The following CTAGE1 variants were observed in gnomAD, a reference collection of about 807,000 sequenced individuals.
CTAGE1 encodes the protein cTAGE family member 2.
For synonymous variants in CTAGE1, 332 were observed against 302.8 expected (o/e 1.10, Z -1.00); for missense variants, 963 against 855.9 (o/e 1.13, Z -1.56).
Position 22,413,619 on chromosome 18 carries a change from C to T in CTAGE1, c.*1955G>A, listed in dbSNP as rs146472718. The T allele has an allele frequency of 2.2e-4, 33 of 152,304 alleles. No individual in the cohort carries two copies. The highest frequency in any genetic ancestry group is 7.7e-4 in the African/African-American group (32 of 41,574). 9.4% of individuals were successfully genotyped at this position (152,304 alleles called of 1,614,324 possible). On this transcript the variant is annotated 3_prime_UTR_variant, in exon 1 of 1. Transcript: ENST00000391403. ...CAACATGGATTTTTATACTTATTCA[C>T]TCTTTATTATTTCAACTTTCTTTTT...
In CTAGE1 at chr18:22,414,822, A is replaced by G. The variant is rs763511326; in HGVS notation, c.*752T>C. Reference sequence around the variant, plus strand: ...ATAAAAATAAAACAAAAGAAATAACAACACAATTATGTAATGATATGATGA... The same window carrying G: ...ATAAAAATAAAACAAAAGAAATAACGACACAATTATGTAATGATATGATGA... On this transcript the variant is annotated 3_prime_UTR_variant, in exon 1 of 1. Coordinates refer to ENST00000391403, the MANE Select transcript of CTAGE1 (RefSeq NM_172241.3). The G allele has an allele frequency of 1.4e-6, 1 of 702,264 alleles. No homozygotes were observed. 43.5% of individuals were successfully genotyped at this position (702,264 alleles called of 1,614,324 possible). A position where few individuals can be genotyped will look rare whatever the true frequency, so the allele number is the denominator to read the frequency against.
At position 22,415,710 on chromosome 18, in the gene CTAGE1, G is replaced by C. The variant is rs548796905; in HGVS notation, c.2102C>G (p.Pro701Arg). 7.1e-5 allele frequency: 114 copies of C among 1,613,970 alleles called. 1 individual carries two copies. Among genetic ancestry groups the C allele is most frequent in the South Asian group, 2.9e-4 (26 of 91,062 alleles). The change falls in exon 1 of 1, where the codon CCA becomes CGA. Residue 701 changes from proline (P) to arginine (R), a missense_variant. Coordinates refer to ENST00000391403, the MANE Select transcript of CTAGE1 (RefSeq NM_172241.3). ...GACATCCCTTGGAGAAAAATAATCT[G>C]GAGAAGCTCCAAACACGGTTCCTGG... ...PPPGTVFGASPDYFSPRDVPG... is the reference protein window; with the variant it reads ...PPPGTVFGASRDYFSPRDVPG...
rs775789770 is a variant in CTAGE1 at position 22,416,403 on chromosome 18, T to A, written c.1409A>T (p.Asp470Val). ...ATTTGGAACATCAAGTCCATAAGGA[T>A]CTTTTTCTAAAAGTTTTATTTTAAA... ...IEFKIKLLEK[D>V]PYGLDVPNTA... Residue 470 changes from aspartate (D) to valine (V), a missense_variant, in exon 1 of 1, where the codon GAT (aspartate) becomes GTT (valine). Asp to Val is a radical substitution (Grantham distance 152, BLOSUM62 -3). Transcript: ENST00000391403. 2 of 1,613,728 alleles carry A rather than the reference T, an allele frequency of 1.2e-6. No homozygotes were observed. The highest frequency in any genetic ancestry group is 2.2e-5 in the East Asian group (1 of 44,882).
rs1044508771 is a variant in CTAGE1 at position 22,414,706 on chromosome 18, A to G, written c.*868T>C. The G allele has an allele frequency of 2.8e-6, 2 of 702,942 alleles. No homozygotes were observed. The highest frequency in any genetic ancestry group is 5.2e-6 in the Non-Finnish European group (2 of 385,014). 43.5% of individuals were successfully genotyped at this position (702,942 alleles called of 1,614,324 possible). A position where few individuals can be genotyped will look rare whatever the true frequency, so the allele number is the denominator to read the frequency against. On this transcript the variant is annotated 3_prime_UTR_variant, in exon 1 of 1. Coordinates refer to ENST00000391403, the MANE Select transcript of CTAGE1 (RefSeq NM_172241.3). ...TAAAACTAAAACTATTAGAACACCA[A>G]CAGAGGTAAAGGTTGGGAAAGAAGT...
chr18:22,416,052 G>A lies in CTAGE1; in HGVS notation c.1760C>T (p.Ala587Val). The A allele has an allele frequency of 1.2e-6, 2 of 1,613,956 alleles. No individual in the cohort carries two copies. Among genetic ancestry groups the A allele is most frequent in the Non-Finnish European group, 1.7e-6 (2 of 1,179,854 alleles). ...PPPGQSYPDS[A>V]LPPQRQDRFY... ...TCTGTCTTGCCTTTGTGGAGGGAGA[G>A]CTGAATCAGGATATGATTGTCCTGG... Residue 587 changes from alanine (A) to valine (V), a missense_variant, in exon 1 of 1, where the codon GCT becomes GTT. By Grantham distance (64) the Ala-to-Val change is moderately conservative (BLOSUM62 0). Coordinates refer to ENST00000391403, the MANE Select transcript of CTAGE1 (RefSeq NM_172241.3).
chr18:22,414,691 A>T lies in CTAGE1; in HGVS notation c.*883T>A, dbSNP rs778059356. ...GAGAAAAGCAGAACATAAAACTAAA[A>T]CTATTAGAACACCAACAGAGGTAAA... On this transcript the variant is annotated 3_prime_UTR_variant, in exon 1 of 1. Coordinates refer to ENST00000391403, the MANE Select transcript of CTAGE1 (RefSeq NM_172241.3). 3 of 703,018 alleles carry T rather than the reference A, an allele frequency of 4.3e-6. No individual in the cohort carries two copies. The highest frequency in any genetic ancestry group is 2.3e-4 in the Middle Eastern group (1 of 4,372). 43.5% of individuals were successfully genotyped at this position (703,018 alleles called of 1,614,324 possible). A position where few individuals can be genotyped will look rare whatever the true frequency, so the allele number is the denominator to read the frequency against.
At position 22,417,445 on chromosome 18, in the gene CTAGE1, T is replaced by G. The variant is rs764302951; in HGVS notation, c.367A>C (p.Lys123Gln). 1.2e-6 allele frequency: 2 copies of G among 1,614,028 alleles called. No individual in the cohort carries two copies. Among genetic ancestry groups the G allele is most frequent in the Non-Finnish European group, 1.7e-6 (2 of 1,179,874 alleles). Residue 123 changes from lysine to glutamine, a missense_variant, in exon 1 of 1, where the codon AAA (lysine) becomes CAA (glutamine). Physicochemically the swap from Lys to Gln is moderately conservative, Grantham distance 53 (BLOSUM62 1). Coordinates refer to ENST00000391403, the MANE Select transcript of CTAGE1 (RefSeq NM_172241.3). ...TCAGAATGTTTAGATTTCTCTTCTT[T>G]TAACTCTTTTTCTAGACAGAGTATT... is the stretch of plus-strand genomic sequence containing the variant. ...HEILCLEKEL[K>Q]EEKSKHSEQN...
At position 22,417,171 on chromosome 18, in the gene CTAGE1, C is replaced by A; in HGVS notation, c.641G>T (p.Arg214Ile). Residue 214 changes from arginine to isoleucine, a missense_variant, in exon 1 of 1, where the codon AGA becomes ATA. Physicochemically the swap from Arg to Ile is moderately conservative, Grantham distance 97 (BLOSUM62 -3). Transcript: ENST00000391403. ...EQVSELIKQK[R>I]TFEDSKVHAE... is the part of the protein sequence containing the mutation. ...ATGTACTTTGGAGTCTTCAAATGTT[C>A]TTTTCTGTTTAATAAGTTCACTCAC... The A allele has an allele frequency of 6.2e-7, 1 of 1,613,882 alleles. No homozygotes were observed. Among genetic ancestry groups the A allele is most frequent in the Non-Finnish European group, 8.5e-7 (1 of 1,179,844 alleles).
rs374860900 is a variant in CTAGE1, at chr18:22,415,833, A to G, written c.1979T>C (p.Phe660Ser). The G allele has an allele frequency of 2.5e-5, 40 of 1,613,836 alleles. No individual in the cohort carries two copies. The highest frequency in any genetic ancestry group is 2.2e-4 in the South Asian group (20 of 91,078). ...GATTGGAGCAAGAGGTGGAGGAACA[A>G]AGCCAGGGCCAGTTGCTTCATTTTC... ...PAENEATGPG[F>S]VPPPLAPIRG... is the part of the protein sequence containing the mutation. Residue 660 changes from phenylalanine to serine, a missense_variant, in exon 1 of 1, where the codon TTT (phenylalanine) becomes TCT (serine). Physicochemically the swap from Phe to Ser is radical, Grantham distance 155 (BLOSUM62 -2). Transcript: ENST00000391403.
In CTAGE1 at chr18:22,417,792, G is replaced by A. The variant is rs369370325; in HGVS notation, c.20C>T (p.Pro7Leu). The change falls in exon 1 of 1, where the codon CCT becomes CTT. Residue 7 changes from proline (P) to leucine (L), a missense_variant. By Grantham distance (98) the Pro-to-Leu change is moderately conservative. Transcript: ENST00000391403. Reference sequence around the variant, plus strand: ...CACCAATTCCCATGGAAAACCATAAGGATGAGAATCGGGTCTCATACCTTC... The same window carrying A: ...CACCAATTCCCATGGAAAACCATAAAGATGAGAATCGGGTCTCATACCTTC... The part of the protein sequence containing the change: MRPDSH[P>L]YGFPWELVIR... 42 of 1,614,078 alleles carry A rather than the reference G, an allele frequency of 2.6e-5. No homozygotes were observed. The highest frequency in any genetic ancestry group is 3.5e-5 in the Non-Finnish European group (41 of 1,180,038).
Position 22,414,502 on chromosome 18 carries a change from A to G in CTAGE1, c.*1072T>C, listed in dbSNP as rs1275422807. 7 of 582,950 alleles carry G rather than the reference A, an allele frequency of 1.2e-5. No individual in the cohort carries two copies. The highest frequency in any genetic ancestry group is 9.5e-5 in the Admixed American group (3 of 31,646). 36.1% of individuals were successfully genotyped at this position (582,950 alleles called of 1,614,324 possible). ...AAAAGAAGCAATGGCTTGGTGGCCC[A>G]GCTTGCATGAAGGACTAATCCAAAA... On this transcript the variant is annotated 3_prime_UTR_variant, in exon 1 of 1. Transcript: ENST00000391403.
rs2034983602 is a variant in CTAGE1 at position 22,414,333 on chromosome 18, C to T, written c.*1241G>A. ...AAGACGGAAAATGTATAGGAAGCCC[C>T]AGTGTACAATAAGGGCACCTCATGT... On this transcript the variant is annotated 3_prime_UTR_variant, in exon 1 of 1. Transcript: ENST00000391403. 4.1e-6 allele frequency: 1 copy of T among 243,680 alleles called. No individual in the cohort carries two copies. The highest frequency in any genetic ancestry group is 5.2e-5 in the Admixed American group (1 of 19,238). 15.1% of individuals were successfully genotyped at this position (243,680 alleles called of 1,614,324 possible).
In CTAGE1 at chr18:22,413,978, T is replaced by C. The variant is rs966434221; in HGVS notation, c.*1596A>G. The C allele has an allele frequency of 6.6e-6, 1 of 152,212 alleles. No individual in the cohort carries two copies. The highest frequency in any genetic ancestry group is 1.5e-5 in the Non-Finnish European group (1 of 68,038). The allele number at this position is 152,212 out of a possible 1,614,324, so 9.4% of individuals were successfully genotyped here. A position where few individuals can be genotyped will look rare whatever the true frequency, so the allele number is the denominator to read the frequency against. ...TAAAATTCCTCTAGAAAGAGTTCTG[T>C]GGATATGATACATAGACAGAAATCC... On this transcript the variant is annotated 3_prime_UTR_variant, in exon 1 of 1. Coordinates refer to ENST00000391403, the MANE Select transcript of CTAGE1 (RefSeq NM_172241.3).
Position 22,417,876 on chromosome 18 carries a change from G to A in CTAGE1, c.-65C>T. ...CAGGACCAGCCCCAGGTATGGCTGA[G>A]GGTTAGCCCTAGGCTCCTCCGTAGC... On this transcript the variant is annotated 5_prime_UTR_variant, in exon 1 of 1. Coordinates refer to ENST00000391403, the MANE Select transcript of CTAGE1 (RefSeq NM_172241.3). 1 of 1,531,462 alleles carries A rather than the reference G, an allele frequency of 6.5e-7. No individual in the cohort carries two copies. The allele number at this position is 1,531,462 out of a possible 1,614,324, so 94.9% of individuals were successfully genotyped here.
Position 22,417,868 on chromosome 18 carries a change from A to T in CTAGE1, c.-57T>A. Reference sequence around the variant, plus strand: ...AGCAACTCCAGGACCAGCCCCAGGTATGGCTGAGGGTTAGCCCTAGGCTCC... The same window carrying T: ...AGCAACTCCAGGACCAGCCCCAGGTTTGGCTGAGGGTTAGCCCTAGGCTCC... On this transcript the variant is annotated 5_prime_UTR_variant, in exon 1 of 1. Transcript: ENST00000391403. 6.4e-7 allele frequency: 1 copy of T among 1,570,016 alleles called. No homozygotes were observed.
In CTAGE1 at chr18:22,416,032, C is replaced by A; in HGVS notation, c.1780G>T (p.Asp594Tyr). 6.2e-7 allele frequency: 1 copy of A among 1,613,936 alleles called. No homozygotes were observed. Among genetic ancestry groups the A allele is most frequent in the Non-Finnish European group, 8.5e-7 (1 of 1,179,870 alleles). ...PDSALPPQRQDRFYSNCARLS... is the reference protein window; with the variant it reads ...PDSALPPQRQYRFYSNCARLS... ...CTAGCACAATTAGAATAAAATCTGTCTTGCCTTTGTGGAGGGAGAGCTGAA... is the reference window on the plus strand; with the variant it reads ...CTAGCACAATTAGAATAAAATCTGTATTGCCTTTGTGGAGGGAGAGCTGAA... The change falls in exon 1 of 1, where the codon GAC (aspartate) becomes TAC (tyrosine). Residue 594 changes from aspartate to tyrosine, a missense_variant. Coordinates refer to ENST00000391403, the MANE Select transcript of CTAGE1 (RefSeq NM_172241.3).
chr18:22,413,810 A>G lies in CTAGE1; in HGVS notation c.*1764T>C, dbSNP rs1302276439. 6.6e-6 allele frequency: 1 copy of G among 152,238 alleles called. No homozygotes were observed. The highest frequency in any genetic ancestry group is 2.4e-5 in the African/African-American group (1 of 41,462). 9.4% of individuals were successfully genotyped at this position (152,238 alleles called of 1,614,324 possible). The stretch of plus-strand genomic sequence containing the variant: ...GTGGCAAAGTAGACACAAAGAGATG[A>G]CAATACCTGTTTCATACTGAACCTA... On this transcript the variant is annotated 3_prime_UTR_variant, in exon 1 of 1. Coordinates refer to ENST00000391403, the MANE Select transcript of CTAGE1 (RefSeq NM_172241.3).
Position 22,417,323 on chromosome 18 carries a change from G to C in CTAGE1, c.489C>G (p.Thr163=). The change falls in exon 1 of 1, where the codon ACC becomes ACG. Residue 163 remains threonine, a synonymous_variant. Transcript: ENST00000391403. The part of the protein sequence containing the change: ...LKSQVAEAKM[T]FKRFQANEER... ...CTTCATTCGCTTGAAATCTCTTGAA[G>C]GTCATTTTGGCTTCAGCTACTTGTG... 1 of 1,613,898 alleles carries C rather than the reference G, an allele frequency of 6.2e-7. No individual in the cohort carries two copies. The highest frequency in any genetic ancestry group is 2.2e-5 in the East Asian group (1 of 44,868).
rs779388300 is a variant in CTAGE1 at position 22,415,938 on chromosome 18, G to T, written c.1874C>A (p.Pro625His). Residue 625 changes from proline (P) to histidine (H), a missense_variant, in exon 1 of 1, where the codon CCT (proline) becomes CAT (histidine). Physicochemically the swap from Pro to His is moderately conservative, Grantham distance 77. Transcript: ENST00000391403. ...ATTTCTACTGGATTCCATTTCTGAA[G>T]GCATTGACCCATCCATTTTATCCAA... ...PSLDKMDGSM[P>H]SEMESSRNDT... The T allele has an allele frequency of 6.8e-6, 11 of 1,613,782 alleles. No homozygotes were observed. In the Admixed American group the frequency reaches 8.3e-5, roughly 12 times the overall value.
Sources: allele counts gnomAD v4.1 joint callset, GRCh38; gene constraint gnomAD v4.1.1; transcripts MANE v1.5; gene names NCBI Gene and HGNC (gene_info 2026-07-23, HGNC 2026-07-21).